Variants in PTPRG observed in about 807,000 individuals in gnomAD.
The protein encoded by PTPRG is receptor-type tyrosine-protein phosphatase gamma.
A neutral mutation model predicts 165.3 loss-of-function variants in PTPRG; 102 were observed. The observed-to-expected ratio is 0.62, with a 90% CI of 0.53 to 0.73. The LOEUF (loss-of-function observed/expected upper bound fraction) is 0.73, where lower values mean the gene tolerates loss of function less well. Ranked by LOEUF, PTPRG falls within the 30% of genes least tolerant of loss-of-function variation. The probability of loss-of-function intolerance (pLI) is 0.00; values close to 1 mark genes in which losing one functional copy is unlikely to be tolerated. For missense variants in PTPRG, 1,866 were observed against 1,861.4 expected, an observed-to-expected ratio of 1.00 and a Z score of -0.05; for synonymous variants, 675 against 669.5, an observed-to-expected ratio of 1.01 and a Z score of -0.13.
chr3:61,931,343 G>A (rs532144310), intron 2 of PTPRG, among the ~76,000 whole-genome samples: 7 of 152,302 alleles, frequency 4.6e-5, no homozygotes, highest in South Asian at 2.1e-4. Flanking sequence ...CTTTGCTGCC[G>A]TTTTTCTGGA....
In PTPRG at chr3:61,623,748, G is replaced by A. The variant is rs139989403; in HGVS notation, c.85+61376G>A. ...TAATTGAAAAGGAGCAATTAAAGAA[G>A]ACACAAAACCTTCAGTTGCTGTTTG... is the stretch of plus-strand genomic sequence containing the variant. On this transcript the variant is annotated intron_variant, in intron 1 of 29. Transcript: ENST00000474889. 4.1e-4 allele frequency among the ~76,000 whole-genome samples: 62 copies of A among 152,280 alleles called. No individual in the cohort carries two copies. The East Asian group carries it at 8.9e-3, about 22-fold the overall frequency.
At position 62,214,565 on chromosome 3, in the gene PTPRG, A is replaced by G. The variant is rs146032712; in HGVS notation, c.2156-4286A>G. Among the ~76,000 whole-genome samples, 1 of 152,314 alleles carries G rather than the reference A, an allele frequency of 6.6e-6. No homozygotes were observed. Among genetic ancestry groups the G allele is most frequent in the East Asian group, 1.9e-4 (1 of 5,180 alleles). On this transcript the variant is annotated intron_variant, in intron 12 of 29. Transcript: ENST00000474889. The surrounding 1 kb of genome is among the most constrained non-coding windows in gnomAD (Gnocchi z 5.2). ...CAGAGCTTTGTAACTGTTCTTCCATACACAGACGGAAATCAGCCCTGCCTT... is the reference window on the plus strand; with the variant it reads ...CAGAGCTTTGTAACTGTTCTTCCATGCACAGACGGAAATCAGCCCTGCCTT...
intron 17 of PTPRG, chr3:62,263,589 A>G (rs1701765492): frequency 6.6e-6 from 1 of 152,414 alleles, no homozygotes; most frequent in South Asian, 2.1e-4. Flanking sequence ...GTTAACATAT[A>G]CCATGGTAAG....
At chr3:61,962,367 C>A (rs2040172793) in intron 2 of PTPRG, among the ~76,000 whole-genome samples, 1 of 152,176 alleles carries the variant, frequency 6.6e-6, no homozygotes, top group African/African-American at 2.4e-5. Context: ...GTTGTGAAAT[C>A]TTTCCTTTGC....
chr3:61,811,469 A>C (rs1361534876), intron 2 of PTPRG, among the ~76,000 whole-genome samples: 9 of 152,210 alleles, frequency 5.9e-5, no homozygotes, highest in African/African-American at 1.9e-4. Context: ...CAAGTTGACT[A>C]ATATGTCTGC....
intron 1 of PTPRG, among the ~76,000 whole-genome samples, chr3:61,587,960 A>ATT (rs34616477): frequency 0.11 from 16,398 of 148,846 alleles, 977 homozygotes; most frequent in Non-Finnish European, 0.12. Context: ...CAGCTGTCCC[A>ATT]TTTTTTTTTT....
chr3:62,033,607 C>T (rs1342594190), intron 4 of PTPRG, among the ~76,000 whole-genome samples: 1 of 148,416 alleles, frequency 6.7e-6, no homozygotes, highest in Non-Finnish European at 1.5e-5. Context: ...TCAAGCAATC[C>T]TCCTGCCTTG....
At chr3:62,133,846 A>T (rs949646102) in intron 6 of PTPRG, among the ~76,000 whole-genome samples, 1 of 152,190 alleles carries the variant, frequency 6.6e-6, no homozygotes, top group South Asian at 2.1e-4. Context: ...AGCTGAGCAT[A>T]GTGATAGGCG....
chr3:62,285,822 TTACTC>T (rs995777774), intron 28 of PTPRG, among the ~76,000 whole-genome samples: 3 of 152,120 alleles, frequency 2.0e-5, no homozygotes, highest in African/African-American at 4.8e-5. Flanking sequence ...CTCACCCAAA[TTACTC>T]TACTCACTCA....
At chr3:61,763,384 C>G (rs1041893396) in intron 2 of PTPRG, among the ~76,000 whole-genome samples, 1 of 151,704 alleles carries the variant, frequency 6.6e-6, no homozygotes, top group Non-Finnish European at 1.5e-5. Flanking sequence ...ATTACAGGCG[C>G]GCACCACTAC....
At chr3:61,729,414 A>G (rs2032401549) in intron 1 of PTPRG, among the ~76,000 whole-genome samples, 1 of 152,190 alleles carries the variant, frequency 6.6e-6, no homozygotes, top group Non-Finnish European at 1.5e-5. Flanking sequence ...TTCATAGAGT[A>G]GGCTATCAGT....
At chr3:61,682,345 T>C (rs1483327256) in intron 1 of PTPRG, among the ~76,000 whole-genome samples, 3 of 152,196 alleles carry the variant, frequency 2.0e-5, no homozygotes, top group Admixed American at 1.3e-4. Flanking sequence ...CCAAGGGGCA[T>C]GATATCTTCA....
In PTPRG at chr3:61,584,445, A is replaced by G. The variant is rs867838362; in HGVS notation, c.85+22073A>G. 2.8e-4 allele frequency among the ~76,000 whole-genome samples: 43 copies of G among 152,186 alleles called. No homozygotes were observed. The Middle Eastern group carries it at 0.027, about 96-fold the overall frequency. On this transcript the variant is annotated intron_variant, in intron 1 of 29. Coordinates refer to ENST00000474889, the MANE Select transcript of PTPRG (RefSeq NM_002841.4). ...CTTATCGTATCTTGTCCCTCGCTCC[A>G]TTTCCTTTTCTGGCATTATTGGACA...
chr3:61,619,782 C>T (rs1701398556), intron 1 of PTPRG, among the ~76,000 whole-genome samples: 1 of 152,160 alleles, frequency 6.6e-6, no homozygotes, highest in African/African-American at 2.4e-5. Context: ...TGGACAGAGC[C>T]AGAAGTTTAC....
At chr3:62,017,663 A>G (rs1406597715) in intron 4 of PTPRG, among the ~76,000 whole-genome samples, 1 of 150,578 alleles carries the variant, frequency 6.6e-6, no homozygotes, top group Non-Finnish European at 1.5e-5. Flanking sequence ...TGACCTCGTG[A>G]TCCGCCCGCC....
At chr3:61,610,799 C>G (rs1161289876) in intron 1 of PTPRG, among the ~76,000 whole-genome samples, 2 of 140,624 alleles carry the variant, frequency 1.4e-5, no homozygotes, top group Non-Finnish European at 3.1e-5. Flanking sequence ...CTCTCCATCT[C>G]TCTTTCTCTA....
chr3:61,787,958 C>T (rs1448213920), intron 2 of PTPRG, among the ~76,000 whole-genome samples: 1 of 152,068 alleles, frequency 6.6e-6, no homozygotes, highest in Non-Finnish European at 1.5e-5. Flanking sequence ...ATGGCTCCCG[C>T]TATCTCAGAC....
chr3:62,091,148 T>C (rs890842439), intron 5 of PTPRG, among the ~76,000 whole-genome samples: 1 of 152,248 alleles, frequency 6.6e-6, no homozygotes, highest in African/African-American at 2.4e-5. Context: ...CCCCATACCA[T>C]GAAGTCTGTC....
chr3:61,660,455 G>A (rs895464159), intron 1 of PTPRG, among the ~76,000 whole-genome samples: 1 of 152,174 alleles, frequency 6.6e-6, no homozygotes, highest in Non-Finnish European at 1.5e-5. Context: ...CAAGAAAATA[G>A]AATAGTGGTC....
Sources: gnomAD v4.1 joint callset for allele counts (sites outside exome capture counted in the v4.1 genomes callset) on GRCh38, gnomAD v4.1.1 for gene constraint, Gnocchi (gnomAD v3.1) non-coding constraint, MANE v1.5 for transcripts, NCBI Gene and HGNC (gene_info 2026-07-23, HGNC 2026-07-21) for gene names.